CABP4: variants seen among roughly 807,000 people sequenced by gnomAD.
CABP4 encodes calcium binding protein 4.
In CABP4, 30 loss-of-function variants were observed where a neutral mutation model predicts 30.7. The ratio of observed to expected loss-of-function variants is 0.98; its 90% CI spans 0.73 to 1.33. CABP4 has a LOEUF of 1.33. CABP4 is among the 40% of genes most tolerant of loss of function. CABP4 has a pLI of 0.00. For synonymous variants in CABP4, 161 were observed against 159.2 expected (o/e 1.01, Z -0.08); for missense variants, 424 against 395.5 (o/e 1.07, Z -0.61).
chr11:67,459,971 A>G lies in CABP4; in HGVS notation c.*1312A>G, dbSNP rs966067375. 2.0e-5 allele frequency: 3 copies of G among 152,186 alleles called. No individual in the cohort carries two copies. The highest frequency in any genetic ancestry group is 7.2e-5 in the African/African-American group (3 of 41,436). The allele number at this position is 152,186 out of a possible 1,614,324, so 9.4% of individuals were successfully genotyped here. On this transcript the variant is annotated 3_prime_UTR_variant, in exon 6 of 6. Transcript: ENST00000325656. ...CTCAAAAACAAAACAAAAAAACCAT[A>G]CTGATTATAAAAGTAAAGAAACCAC...
rs1864987208 is a variant in CABP4, at chr11:67,460,764, C to T, written c.*2105C>T. Among the ~76,000 whole-genome samples the T allele has an allele frequency of 6.6e-6, 1 of 151,352 alleles. No homozygotes were observed. Among genetic ancestry groups the T allele is most frequent in the South Asian group, 2.1e-4 (1 of 4,810 alleles). ...TTGGGAGGCTGAGACGGGCGGGTCA[C>T]AGGGTCAGGAGATCGAGACCATCCT... On this transcript the variant is annotated 3_prime_UTR_variant, in exon 6 of 6. Coordinates refer to ENST00000325656, the MANE Select transcript of CABP4 (RefSeq NM_145200.5).
At chr11:67,455,174 C>T (rs1565159712), upstream of CABP4, among the ~76,000 whole-genome samples, 1 of 152,216 alleles carries the variant, frequency 6.6e-6, no homozygotes, top group Non-Finnish European at 1.5e-5. Context: ...ATGGCAGCCA[C>T]CACGTCCTGG....
At position 67,458,354 on chromosome 11, in the gene CABP4, C is replaced by G. The variant is rs546010968; in HGVS notation, c.652-17C>G. Reference sequence around the variant, plus strand: ...GCAGCTTTGGGTGGGAGGGGCTGAGCTTTGCGGGGACCTTAGTTTGACAGG... The same window carrying G: ...GCAGCTTTGGGTGGGAGGGGCTGAGGTTTGCGGGGACCTTAGTTTGACAGG... On this transcript the variant is annotated splice_polypyrimidine_tract_variant and intron_variant, in intron 4 of 5. Transcript: ENST00000325656. 1.9e-6 allele frequency: 3 copies of G among 1,597,140 alleles called. No individual in the cohort carries two copies. Among genetic ancestry groups the G allele is most frequent in the Non-Finnish European group, 2.6e-6 (3 of 1,168,370 alleles).
Position 67,458,354 on chromosome 11 carries a change from C to T in CABP4, c.652-17C>T. 3.8e-6 allele frequency: 6 copies of T among 1,597,138 alleles called. No homozygotes were observed. The highest frequency in any genetic ancestry group is 5.1e-6 in the Non-Finnish European group (6 of 1,168,368). Reference sequence around the variant, plus strand: ...GCAGCTTTGGGTGGGAGGGGCTGAGCTTTGCGGGGACCTTAGTTTGACAGG... The same window carrying T: ...GCAGCTTTGGGTGGGAGGGGCTGAGTTTTGCGGGGACCTTAGTTTGACAGG... On this transcript the variant is annotated splice_polypyrimidine_tract_variant and intron_variant, in intron 4 of 5. Transcript: ENST00000325656.
In CABP4 at chr11:67,455,666, G is replaced by A. The variant is rs143946765; in HGVS notation, c.243G>A (p.Ala81=). The A allele has an allele frequency of 2.7e-5, 44 of 1,609,462 alleles. No homozygotes were observed. Among genetic ancestry groups the A allele is most frequent in the South Asian group, 1.2e-4 (11 of 90,626 alleles). ...NNPPSTGEGP[A]GAPPASPGPA... ...CTCCCAGCACTGGAGAGGGGCCGGC[G>A]GGCGCACCCCCTGCATCCCCTGGGC... Residue 81 remains alanine, a synonymous_variant, in exon 1 of 6, where the codon GCG becomes GCA. Transcript: ENST00000325656.
upstream of CABP4, chr11:67,452,474 G>A (rs780839937): frequency 3.8e-5 from 62 of 1,611,512 alleles, no homozygotes; most frequent in Admixed American, 6.7e-5. Flanking sequence ...CTGGAAGGCC[G>A]CTGCTGCCAG....
upstream of CABP4, among the ~76,000 whole-genome samples, chr11:67,454,218 C>G (rs1426460882): frequency 2.6e-5 from 4 of 152,158 alleles, no homozygotes; most frequent in Non-Finnish European, 5.9e-5. Context: ...GCAGCCCCAC[C>G]TCGCCCTTCC....
chr11:67,454,049 G>T (rs867082181), upstream of CABP4, among the ~76,000 whole-genome samples: 9 of 152,108 alleles, frequency 5.9e-5, no homozygotes, highest in Non-Finnish European at 1.2e-4. Context: ...CCACCCCACC[G>T]CGGCCCTCTC....
upstream of CABP4, chr11:67,452,644 G>A: frequency 1.2e-6 from 2 of 1,613,270 alleles, no homozygotes; most frequent in Non-Finnish European, 1.7e-6. Context: ...AGCCACCTTG[G>A]GGGTAGGAGT....
At position 67,455,666 on chromosome 11, in the gene CABP4, G is replaced by C. The variant is rs143946765; in HGVS notation, c.243G>C (p.Ala81=). 6.2e-7 allele frequency: 1 copy of C among 1,609,580 alleles called. No individual in the cohort carries two copies. The highest frequency in any genetic ancestry group is 1.1e-5 in the South Asian group (1 of 90,622). The change falls in exon 1 of 6, where the codon GCG becomes GCC. Residue 81 remains alanine, a synonymous_variant. Coordinates refer to ENST00000325656, the MANE Select transcript of CABP4 (RefSeq NM_145200.5). ...NNPPSTGEGP[A]GAPPASPGPA... is the part of the protein sequence containing the mutation. Reference sequence around the variant, plus strand: ...CTCCCAGCACTGGAGAGGGGCCGGCGGGCGCACCCCCTGCATCCCCTGGGC... The same window carrying C: ...CTCCCAGCACTGGAGAGGGGCCGGCCGGCGCACCCCCTGCATCCCCTGGGC...
chr11:67,458,783 TC>T lies in CABP4; in HGVS notation c.*127del. The T allele has an allele frequency of 8.3e-7, 1 of 1,198,094 alleles. No individual in the cohort carries two copies. The highest frequency in any genetic ancestry group is 1.2e-6 in the Non-Finnish European group (1 of 827,374). The allele number at this position is 1,198,094 out of a possible 1,614,324, so 74.2% of individuals were successfully genotyped here. On this transcript the variant is annotated 3_prime_UTR_variant, in exon 6 of 6. Transcript: ENST00000325656. The stretch of plus-strand genomic sequence containing the variant: ...CCCAGCAGCCCCCAGACTACTTCTA[TC>T]CCTGAAAACACCTGGCCTCAATGTT...
chr11:67,456,174 C>A lies in CABP4; in HGVS notation c.367-14C>A, dbSNP rs2135176560. The A allele has an allele frequency of 6.2e-7, 1 of 1,613,052 alleles. No individual in the cohort carries two copies. The highest frequency in any genetic ancestry group is 1.7e-5 in the Admixed American group (1 of 60,020). On this transcript the variant is annotated splice_polypyrimidine_tract_variant and intron_variant, in intron 1 of 5. Coordinates refer to ENST00000325656, the MANE Select transcript of CABP4 (RefSeq NM_145200.5). The stretch of plus-strand genomic sequence containing the variant: ...TGGCTGGCCCTGGGGACATCCTGGA[C>A]TCTCCCCCTGCAGGACCGCGAACTG...
At position 67,458,966 on chromosome 11, in the gene CABP4, A is replaced by G. The variant is rs1454725603; in HGVS notation, c.*307A>G. 2.0e-6 allele frequency: 1 copy of G among 494,104 alleles called. No individual in the cohort carries two copies. Among genetic ancestry groups the G allele is most frequent in the East Asian group, 3.8e-5 (1 of 26,444 alleles). 30.6% of individuals were successfully genotyped at this position (494,104 alleles called of 1,614,324 possible). On this transcript the variant is annotated 3_prime_UTR_variant, in exon 6 of 6. Transcript: ENST00000325656. ...TAGGGAGTTCCCTGGCACTGGCAGC[A>G]TTCAGTGGGGACCCCCCAGTGGCAT...
upstream of CABP4, chr11:67,452,425 C>T: frequency 1.9e-6 from 3 of 1,612,530 alleles, no homozygotes; most frequent in Non-Finnish European, 2.5e-6. Context: ...AGGCAGCTGT[C>T]CCCAGCGGCC....
At position 67,458,436 on chromosome 11, in the gene CABP4, C is replaced by T. The variant is rs145493184; in HGVS notation, c.717C>T (p.Leu239=). 296 of 1,613,752 alleles carry T rather than the reference C, an allele frequency of 1.8e-4. 1 individual carries two copies. Among genetic ancestry groups the T allele is most frequent in the African/African-American group, 1.8e-3 (135 of 74,994 alleles). ...TGCGGGAGGCGGTACCGGCTCTGCT[C>T]GGGGAGCCGCTGGCGGGTCCTGAGC... ...AELREAVPAL[L]GEPLAGPELD... is the part of the protein sequence containing the mutation. Residue 239 remains leucine, a synonymous_variant, in exon 5 of 6, where the codon CTC becomes CTT. Transcript: ENST00000325656.
Position 67,456,057 on chromosome 11 carries a change from G to A in CABP4, c.367-131G>A, listed in dbSNP as rs540548617. ...GGAGCTTGCTCCTCCTGGGTCCCACGAGGCTTCAGGGTCCTTTTCCTACTC... is the reference window on the plus strand; with the variant it reads ...GGAGCTTGCTCCTCCTGGGTCCCACAAGGCTTCAGGGTCCTTTTCCTACTC... On this transcript the variant is annotated intron_variant, in intron 1 of 5. Transcript: ENST00000325656. The A allele has an allele frequency of 3.3e-5, 51 of 1,555,360 alleles. No individual in the cohort carries two copies. In the East Asian group the frequency reaches 8.1e-4, roughly 25 times the overall value.
At position 67,457,781 on chromosome 11, in the gene CABP4, G is replaced by A. The variant is rs369299359; in HGVS notation, c.651+99G>A. On this transcript the variant is annotated intron_variant, in intron 4 of 5. Transcript: ENST00000325656. ...CAGCCTTGGGAAGGCCTAGAGCCCT[G>A]CAGGCGGTGGGACTGGGGCCCAGGG... The A allele has an allele frequency of 7.2e-3, 7,078 of 982,336 alleles. 39 individuals are homozygous for A. Among genetic ancestry groups the A allele is most frequent in the Non-Finnish European group, 9.6e-3 (6,322 of 657,488 alleles). The allele number at this position is 982,336 out of a possible 1,614,324, so 60.9% of individuals were successfully genotyped here. A position where few individuals can be genotyped will look rare whatever the true frequency, so the allele number is the denominator to read the frequency against.
In CABP4 at chr11:67,455,687, T is replaced by C. The variant is rs1402092785; in HGVS notation, c.264T>C (p.Pro88=). Residue 88 remains proline (P), a synonymous_variant, in exon 1 of 6, where the codon CCT becomes CCC. Coordinates refer to ENST00000325656, the MANE Select transcript of CABP4 (RefSeq NM_145200.5). Reference sequence around the variant, plus strand: ...CGGCGGGCGCACCCCCTGCATCCCCTGGGCCGGCCTCTTCTCGCCAGTCCC... The same window carrying C: ...CGGCGGGCGCACCCCCTGCATCCCCCGGGCCGGCCTCTTCTCGCCAGTCCC... ...EGPAGAPPAS[P]GPASSRQSHR... The C allele has an allele frequency of 1.2e-6, 2 of 1,607,222 alleles. No homozygotes were observed. The highest frequency in any genetic ancestry group is 3.4e-5 in the Admixed American group (2 of 59,524).
At chr11:67,457,448 G>A (rs1450786141) in intron 3 of CABP4, 125 bp from the exon 4 acceptor site, 7 of 793,704 alleles carry the variant, frequency 8.8e-6, no homozygotes, top group East Asian at 2.7e-5. Flanking sequence ...TGCTGCAGGC[G>A]TGGACACGGG....
Sources: allele counts gnomAD v4.1 joint callset (sites outside exome capture counted in the v4.1 genomes callset), GRCh38; gene constraint gnomAD v4.1.1; transcripts MANE v1.5; gene names NCBI Gene and HGNC (gene_info 2026-07-23, HGNC 2026-07-21).